Variants in BICC1 observed in about 807,000 individuals in gnomAD.
The protein encoded by BICC1 is BicC family RNA binding protein 1.
Under a neutral mutation model 111.0 loss-of-function variants are expected in BICC1, and 43 were observed. The ratio of observed to expected loss-of-function variants is 0.39; its 90% confidence interval spans 0.30 to 0.50. The LOEUF (loss-of-function observed/expected upper bound fraction) is 0.50. Ranked by LOEUF, BICC1 falls within the 20% of genes least tolerant of loss-of-function variation. BICC1 has a pLI of 0.88. For missense variants in BICC1, 1,091 were observed against 1,203.2 expected (o/e 0.91, Z 1.38); for synonymous variants, 467 against 434.4 (o/e 1.07, Z -0.93).
chr10:58,692,850 ATT>A (rs57748644), intron 2 of BICC1, among the ~76,000 whole-genome samples: 1 of 141,470 alleles, frequency 7.1e-6, no homozygotes, highest in African/African-American at 2.5e-5. Flanking sequence ...TTTTTTTTTG[ATT>A]TTTTTTTTAA....
At chr10:58,789,552 C>T (rs942858590) in intron 7 of BICC1, 96 bp downstream of exon 7, 2 of 1,505,162 alleles carry the variant, frequency 1.3e-6, no homozygotes, top group African/African-American at 1.4e-5. Context: ...CCAGAATTTT[C>T]CTTCGTTCTA....
chr10:58,768,099 AG>A (rs1842507838), intron 3 of BICC1, among the ~76,000 whole-genome samples: 1 of 152,196 alleles, frequency 6.6e-6, no homozygotes, highest in African/African-American at 2.4e-5. Context: ...TGAGGCTCAA[AG>A]GTCCTCAGGC....
At chr10:58,639,397 A>ATTTTT (rs5785335) in intron 2 of BICC1, among the ~76,000 whole-genome samples, 1 of 138,578 alleles carries the variant, frequency 7.2e-6, no homozygotes, top group Admixed American at 7.4e-5. Flanking sequence ...TGCCATTTAA[A>ATTTTT]TTTTTTTTTT....
At chr10:58,734,629 A>G (rs1029131540) in intron 3 of BICC1, among the ~76,000 whole-genome samples, 1 of 152,164 alleles carries the variant, frequency 6.6e-6, no homozygotes, top group Non-Finnish European at 1.5e-5. Context: ...TTTTCAGGAA[A>G]TTGGTGGTAA....
chr10:58,823,066 C>G (rs921346026), intron 20 of BICC1, among the ~76,000 whole-genome samples: 5 of 151,200 alleles, frequency 3.3e-5, no homozygotes, highest in Non-Finnish European at 5.9e-5. Flanking sequence ...TTCCCCAAAT[C>G]CACTTTTTTT....
chr10:58,574,925 T>C (rs1459459740), intron 1 of BICC1, among the ~76,000 whole-genome samples: 2 of 152,116 alleles, frequency 1.3e-5, no homozygotes, highest in African/African-American at 4.8e-5. Context: ...TCAGGTAGCC[T>C]CTGAAAAACT....
chr10:58,765,486 C>T (rs1012055505), intron 3 of BICC1, among the ~76,000 whole-genome samples: 1 of 152,138 alleles, frequency 6.6e-6, no homozygotes, highest in Non-Finnish European at 1.5e-5. Flanking sequence ...TTTAAAGTAA[C>T]GGTGAACTCC....
At chr10:58,663,264 A>G (rs1196841962) in intron 2 of BICC1, among the ~76,000 whole-genome samples, 2 of 151,814 alleles carry the variant, frequency 1.3e-5, no homozygotes, top group Admixed American at 1.3e-4. Flanking sequence ...ACAGGGTTTC[A>G]CCATGTTGAC....
chr10:58,664,503 T>C (rs1274507788), intron 2 of BICC1, among the ~76,000 whole-genome samples: 1 of 152,210 alleles, frequency 6.6e-6, no homozygotes, highest in Non-Finnish European at 1.5e-5. Flanking sequence ...ACATTTTTCA[T>C]TGGATTATTT....
intron 8 of BICC1, 97 bp downstream of exon 8, chr10:58,790,030 C>T (rs1843130061): frequency 7.3e-7 from 1 of 1,370,888 alleles, no homozygotes; most frequent in African/African-American, 1.4e-5. Flanking sequence ...TTTAGGAAAG[C>T]ACTTCGGAAG....
At chr10:58,566,581 G>T (rs970972101) in intron 1 of BICC1, among the ~76,000 whole-genome samples, 1 of 152,100 alleles carries the variant, frequency 6.6e-6, no homozygotes, top group Admixed American at 6.5e-5. Flanking sequence ...AAACCACACT[G>T]TTTTCCACAG....
intron 1 of BICC1, among the ~76,000 whole-genome samples, chr10:58,565,480 C>G (rs908578612): frequency 3.3e-5 from 5 of 152,152 alleles, no homozygotes; most frequent in African/African-American, 9.7e-5. Flanking sequence ...GGAAAGAGGG[C>G]AATAATCCTC....
chr10:58,594,047 G>C (rs1844726532), intron 1 of BICC1, among the ~76,000 whole-genome samples: 1 of 151,702 alleles, frequency 6.6e-6, no homozygotes, highest in Admixed American at 6.6e-5. Flanking sequence ...TGCTGGAGCT[G>C]AAAAACACAG....
chr10:58,714,662 G>A (rs1840681240), intron 3 of BICC1, among the ~76,000 whole-genome samples: 1 of 152,046 alleles, frequency 6.6e-6, no homozygotes, highest in Non-Finnish European at 1.5e-5. Context: ...GTAAATTCCT[G>A]TCTTGGCCAG....
At chr10:58,692,373 C>G (rs954232681) in intron 2 of BICC1, among the ~76,000 whole-genome samples, 3 of 152,134 alleles carry the variant, frequency 2.0e-5, no homozygotes, top group African/African-American at 7.2e-5. Context: ...GAAAGGTAGT[C>G]TTCACTTTGC....
intron 2 of BICC1, among the ~76,000 whole-genome samples, chr10:58,688,888 G>A (rs1839831182): frequency 6.6e-6 from 1 of 152,072 alleles, no homozygotes; most frequent in Admixed American, 6.6e-5. Flanking sequence ...GGGGAGTGGG[G>A]GGCTAGGGGA....
chr10:58,617,259 T>A (rs1314266164), intron 1 of BICC1, among the ~76,000 whole-genome samples: 1 of 152,248 alleles, frequency 6.6e-6, no homozygotes, highest in Non-Finnish European at 1.5e-5. Flanking sequence ...GATGGATGCA[T>A]TCATGGATAA....
intron 17 of BICC1, among the ~76,000 whole-genome samples, chr10:58,808,572 C>T (rs1001940086): frequency 6.6e-6 from 1 of 152,150 alleles, no homozygotes; most frequent in Non-Finnish European, 1.5e-5. Flanking sequence ...GTTCTGATAA[C>T]CACCTCTGAC....
At chr10:58,768,742 A>C (rs867517668) in intron 3 of BICC1, among the ~76,000 whole-genome samples, 1 of 152,160 alleles carries the variant, frequency 6.6e-6, no homozygotes, top group Non-Finnish European at 1.5e-5. Context: ...AAATAGACTC[A>C]TAACTATAAG....
Sources: allele counts gnomAD v4.1 joint callset (sites outside exome capture counted in the v4.1 genomes callset), GRCh38; gene constraint gnomAD v4.1.1; transcripts MANE v1.5; gene names NCBI Gene and HGNC (gene_info 2026-07-23, HGNC 2026-07-21).